The following GNA14 variants were observed in gnomAD, a reference collection of about 807,000 sequenced individuals.
GNA14 encodes guanine nucleotide-binding protein subunit alpha-14.
Under a neutral mutation model 42.0 loss-of-function variants are expected in GNA14, and 50 were observed. The observed-to-expected ratio is 1.19, with a 90% CI of 0.95 to 1.51. GNA14 has a LOEUF of 1.51. Among genes scored for constraint, GNA14 ranks in the 40% most tolerant of loss-of-function variants. GNA14 has a pLI of 0.00. For synonymous variants in GNA14, 173 were observed against 163.1 expected (o/e 1.06, Z -0.46); for missense variants, 473 against 446.2 (o/e 1.06, Z -0.54).
intron 1 of GNA14, among the ~76,000 whole-genome samples, chr9:77,641,102 AAGGAAGGAAGGAAGGAAGG>A (rs1824257747): frequency 9.6e-4 from 1 of 1,046 alleles, no homozygotes; most frequent in Non-Finnish European, 2.3e-3. Flanking sequence ...GAGGGGGGGG[AAGGAAGGAAGGAAGGAAGG>A]AAGGAAGGAA....
intron 1 of GNA14, among the ~76,000 whole-genome samples, chr9:77,632,181 T>C (rs1258373314): frequency 1.3e-5 from 2 of 152,160 alleles, no homozygotes; most frequent in Admixed American, 1.3e-4. Context: ...CACTCCAATC[T>C]CAGAGCAAAG....
intron 2 of GNA14, among the ~76,000 whole-genome samples, chr9:77,489,748 G>T: frequency 6.6e-6 from 1 of 152,210 alleles, no homozygotes; most frequent in Non-Finnish European, 1.5e-5. Context: ...CATTTCTCCC[G>T]GTGGGCTCGT....
At chr9:77,635,034 A>G (rs1301107862) in intron 1 of GNA14, among the ~76,000 whole-genome samples, 1 of 152,150 alleles carries the variant, frequency 6.6e-6, no homozygotes, top group East Asian at 1.9e-4. Context: ...ATTTATTTCA[A>G]TAGGTTTTTT....
chr9:77,618,011 G>A (rs1273687090), intron 1 of GNA14, among the ~76,000 whole-genome samples: 1 of 151,956 alleles, frequency 6.6e-6, no homozygotes, highest in Non-Finnish European at 1.5e-5. Context: ...CATCCTTCAT[G>A]TCTATTTACT....
intron 2 of GNA14, among the ~76,000 whole-genome samples, chr9:77,461,330 C>T (rs1056803512): frequency 1.3e-5 from 2 of 152,222 alleles, no homozygotes; most frequent in Non-Finnish European, 2.9e-5. Flanking sequence ...AGCAAGATCC[C>T]GGGTAGTTCA....
intron 2 of GNA14, among the ~76,000 whole-genome samples, chr9:77,510,018 A>G (rs908751898): frequency 1.3e-5 from 2 of 152,202 alleles, no homozygotes; most frequent in Non-Finnish European, 2.9e-5. Flanking sequence ...CAATTCAATT[A>G]TTTTTAGTAT....
rs192302610 is a variant in GNA14, at chr9:77,624,903, A to C, written c.124+22767T>G. Among the ~76,000 whole-genome samples, 197 of 152,218 alleles carry C rather than the reference A, an allele frequency of 1.3e-3. 1 individual carries two copies. The highest frequency in any genetic ancestry group is 2.1e-3 in the Non-Finnish European group (142 of 68,024). On this transcript the variant is annotated intron_variant, in intron 1 of 6. Coordinates refer to ENST00000341700, the MANE Select transcript of GNA14 (RefSeq NM_004297.4). Reference sequence around the variant, plus strand: ...GGGAACAAAATTGGATGGAGAATGAATTTGACGAATTGACCGAAGTAGGCT... The same window carrying C: ...GGGAACAAAATTGGATGGAGAATGACTTTGACGAATTGACCGAAGTAGGCT...
chr9:77,540,957 G>C (rs549270254), intron 1 of GNA14, among the ~76,000 whole-genome samples: 2 of 152,110 alleles, frequency 1.3e-5, no homozygotes, highest in East Asian at 3.9e-4. Context: ...TTATATTCAA[G>C]GTTATTATTG....
intron 1 of GNA14, among the ~76,000 whole-genome samples, chr9:77,567,799 G>A (rs997139340): frequency 4.6e-5 from 7 of 152,136 alleles, no homozygotes; most frequent in Admixed American, 1.3e-4. Context: ...CCCAGGAGGC[G>A]GAGGTTGCAG....
At chr9:77,629,144 G>A (rs1293016432) in intron 1 of GNA14, among the ~76,000 whole-genome samples, 2 of 152,188 alleles carry the variant, frequency 1.3e-5, no homozygotes, top group Admixed American at 1.3e-4. Flanking sequence ...ATCACCACTG[G>A]TCATTAGAGA....
At chr9:77,569,580 T>A (rs372948648) in intron 1 of GNA14, among the ~76,000 whole-genome samples, 24 of 151,934 alleles carry the variant, frequency 1.6e-4, no homozygotes, top group African/African-American at 5.1e-4. Flanking sequence ...GTATAGTGAG[T>A]TCCACCAACA....
chr9:77,611,374 T>C (rs1823728412), intron 1 of GNA14, among the ~76,000 whole-genome samples: 1 of 152,194 alleles, frequency 6.6e-6, no homozygotes, highest in African/African-American at 2.4e-5. Context: ...AATGCTTGTG[T>C]TACAGGAGGG....
At chr9:77,502,209 T>A (rs1481904012) in intron 2 of GNA14, among the ~76,000 whole-genome samples, 1 of 152,238 alleles carries the variant, frequency 6.6e-6, no homozygotes, top group East Asian at 1.9e-4. Context: ...TAATTGCTCA[T>A]TGAAACATTA....
chr9:77,623,402 T>G (rs532749218), intron 1 of GNA14, among the ~76,000 whole-genome samples: 3 of 152,088 alleles, frequency 2.0e-5, no homozygotes, highest in South Asian at 2.1e-4. Flanking sequence ...TGGGTTGAAT[T>G]TTTGTAAGCC....
rs137988027 is a variant in GNA14, at chr9:77,530,042, G to A, written c.125-789C>T. ...ATATGGCACCCCTTTACCATGTTTG[G>A]AACATGATGTGTCCTATTCATGGCT... On this transcript the variant is annotated intron_variant, in intron 1 of 6. Transcript: ENST00000341700. Among the ~76,000 whole-genome samples the A allele has an allele frequency of 2.8e-4, 42 of 152,054 alleles. No individual in the cohort carries two copies. In the East Asian group the frequency reaches 7.3e-3, roughly 27 times the overall value.
At chr9:77,588,704 CCTT>C (rs1411819846) in intron 1 of GNA14, among the ~76,000 whole-genome samples, 1 of 152,142 alleles carries the variant, frequency 6.6e-6, no homozygotes, top group Non-Finnish European at 1.5e-5. Context: ...TGCTAATCCC[CCTT>C]CTTTGTCAGG....
At chr9:77,482,435 G>C (rs1021495379) in intron 2 of GNA14, among the ~76,000 whole-genome samples, 1 of 152,170 alleles carries the variant, frequency 6.6e-6, no homozygotes, top group Non-Finnish European at 1.5e-5. Flanking sequence ...CTCTTAGTCT[G>C]ATGGGCTTCC....
intron 1 of GNA14, among the ~76,000 whole-genome samples, chr9:77,646,031 TAA>T (rs1824345812): frequency 6.6e-6 from 1 of 152,210 alleles, no homozygotes; most frequent in African/African-American, 2.4e-5. Flanking sequence ...GGTAGCTTTA[TAA>T]CAGCCTAGAA....
intron 2 of GNA14, among the ~76,000 whole-genome samples, chr9:77,484,272 T>G (rs564828610): frequency 1.3e-5 from 2 of 152,264 alleles, no homozygotes; most frequent in Admixed American, 1.3e-4. Flanking sequence ...TAAATACAGT[T>G]TGTCTTAAGA....
Sources: allele counts gnomAD v4.1 joint callset (sites outside exome capture counted in the v4.1 genomes callset), GRCh38; gene constraint gnomAD v4.1.1; transcripts MANE v1.5; gene names NCBI Gene and HGNC (gene_info 2026-07-23, HGNC 2026-07-21).